The following TLL2 variants were observed in gnomAD, a reference collection of about 807,000 sequenced individuals.
TLL2 encodes the protein tolloid-like protein 2.
A neutral mutation model predicts 123.0 loss-of-function variants in TLL2; 106 were observed. That is an observed-to-expected ratio of 0.86 (90% CI 0.74 to 1.01). The LOEUF (loss-of-function observed/expected upper bound fraction) is 1.01, where lower values mean the gene tolerates loss of function less well. TLL2 is among the 50% of genes least tolerant of loss of function. The pLI is 0.00. For synonymous variants in TLL2, 494 were observed against 516.8 expected, an observed-to-expected ratio of 0.96 and a Z score of 0.60; for missense variants, 1,332 against 1,336.7, an observed-to-expected ratio of 1.00 and a Z score of 0.06.
At chr10:96,463,817 A>G (rs909471449) in intron 2 of TLL2, among the ~76,000 whole-genome samples, 1 of 152,266 alleles carries the variant, frequency 6.6e-6, no homozygotes, top group Non-Finnish European at 1.5e-5. Flanking sequence ...CAGTTTGACC[A>G]AATGAGTAAA....
chr10:96,419,053 C>G lies in TLL2; in HGVS notation c.923+1903G>C, dbSNP rs1276558084. 2.0e-5 allele frequency among the ~76,000 whole-genome samples: 3 copies of G among 151,968 alleles called. No homozygotes were observed. In the East Asian group the frequency reaches 5.8e-4, roughly 29 times the overall value. ...TTTGGCTATTCCCTGCACCATTTCCCAAACAGGTGAATCAGCCCACCCCAA... is the reference window on the plus strand; with the variant it reads ...TTTGGCTATTCCCTGCACCATTTCCGAAACAGGTGAATCAGCCCACCCCAA... On this transcript the variant is annotated intron_variant, in intron 7 of 20. Transcript: ENST00000357947.
intron 8 of TLL2, chr10:96,410,679 A>C (rs1751135563): frequency 3.1e-6 from 2 of 653,102 alleles, no homozygotes; most frequent in Non-Finnish European, 2.8e-6. Flanking sequence ...AACGCCCAGG[A>C]ATTTCTTCTG....
At chr10:96,369,359 G>A (rs988714386) in intron 20 of TLL2, among the ~76,000 whole-genome samples, 6 of 152,216 alleles carry the variant, frequency 3.9e-5, no homozygotes, top group Admixed American at 3.3e-4. Flanking sequence ...TATAGTAAGT[G>A]ACTTGTAATT....
chr10:96,471,917 T>G (rs917240556), intron 2 of TLL2, among the ~76,000 whole-genome samples: 2 of 151,958 alleles, frequency 1.3e-5, no homozygotes, highest in Admixed American at 6.6e-5. Context: ...TGCGTGCGTG[T>G]GTGTGTGTAC....
intron 4 of TLL2, 42 bp from the exon 5 acceptor site, chr10:96,428,790 A>G: frequency 7.6e-7 from 1 of 1,322,744 alleles, no homozygotes; most frequent in Non-Finnish European, 1.1e-6. Flanking sequence ...TGATGGGTCC[A>G]TATTTTCTTT....
intron 1 of TLL2, among the ~76,000 whole-genome samples, 157 bp downstream of exon 1, chr10:96,513,354 A>G (rs1256586507): frequency 6.6e-6 from 1 of 152,158 alleles, no homozygotes; most frequent in Non-Finnish European, 1.5e-5. Context: ...AGTGGTTTTT[A>G]AGCAATTCCT....
chr10:96,386,326 G>C, intron 14 of TLL2, 111 bp from the exon 15 acceptor site: 1 of 1,188,804 alleles, frequency 8.4e-7, no homozygotes, highest in Non-Finnish European at 1.1e-6. Context: ...TAAAATGTTA[G>C]ACAATTTGAA....
At position 96,366,577 on chromosome 10, in the gene TLL2, A is replaced by T. The variant is rs1846030200; in HGVS notation, c.*1511T>A. 6.6e-6 allele frequency: 1 copy of T among 152,618 alleles called. No homozygotes were observed. Among genetic ancestry groups the T allele is most frequent in the Admixed American group, 6.5e-5 (1 of 15,278 alleles). The allele number at this position is 152,618 out of a possible 1,614,324, so 9.5% of individuals were successfully genotyped here. A position where few individuals can be genotyped will look rare whatever the true frequency, so the allele number is the denominator to read the frequency against. On this transcript the variant is annotated 3_prime_UTR_variant, in exon 21 of 21. Coordinates refer to ENST00000357947, the MANE Select transcript of TLL2 (RefSeq NM_012465.4). ...TGCTCCCAGCAATCACTTTAATGAG[A>T]CACAGTCCTCTGGTGCCACATTCTG...
At chr10:96,373,544 G>C in intron 19 of TLL2, 52 bp downstream of exon 19, 1 of 1,552,758 alleles carries the variant, frequency 6.4e-7, no homozygotes, top group East Asian at 2.3e-5. Context: ...CCATTTCTCT[G>C]TCTCCTGTCC....
intron 8 of TLL2, among the ~76,000 whole-genome samples, chr10:96,412,316 T>C (rs1157867392): frequency 2.0e-5 from 3 of 152,190 alleles, no homozygotes; most frequent in African/African-American, 7.2e-5. Flanking sequence ...CTTCATCCCA[T>C]GATCAAACTC....
chr10:96,378,917 G>C, intron 17 of TLL2, 50 bp downstream of exon 17: 1 of 1,608,310 alleles, frequency 6.2e-7, no homozygotes, highest in Non-Finnish European at 8.5e-7. Context: ...GGGGCATGGG[G>C]TGCGGCGAAG....
chr10:96,415,025 C>G (rs558315493), intron 7 of TLL2, among the ~76,000 whole-genome samples: 106 of 152,322 alleles, frequency 7.0e-4, no homozygotes, highest in African/African-American at 2.4e-3. Context: ...TACTGCTCCC[C>G]TTGGCCACAA....
At chr10:96,387,958 T>C (rs1007445428) in intron 13 of TLL2, among the ~76,000 whole-genome samples, 2 of 152,212 alleles carry the variant, frequency 1.3e-5, no homozygotes, top group African/African-American at 4.8e-5. Context: ...GGATGTGGCC[T>C]ACCAGAGCGA....
Position 96,370,050 on chromosome 10 carries a change from G to A in TLL2, c.2913+15C>T. 6.4e-7 allele frequency: 1 copy of A among 1,557,190 alleles called. No individual in the cohort carries two copies. The highest frequency in any genetic ancestry group is 1.2e-5 in the South Asian group (1 of 82,576). ...CATCACACTCTGCCCCGGCCCCAGCGTCTCCGGGACTTACCCCAGAGCCAC... is the reference window on the plus strand; with the variant it reads ...CATCACACTCTGCCCCGGCCCCAGCATCTCCGGGACTTACCCCAGAGCCAC... On this transcript the variant is annotated intron_variant, in intron 20 of 20. Coordinates refer to ENST00000357947, the MANE Select transcript of TLL2 (RefSeq NM_012465.4).
intron 13 of TLL2, among the ~76,000 whole-genome samples, chr10:96,391,461 T>C (rs1846287341): frequency 6.6e-6 from 1 of 152,150 alleles, no homozygotes; most frequent in East Asian, 1.9e-4. Flanking sequence ...CAGAATCAAA[T>C]CACAAACACT....
Position 96,513,631 on chromosome 10 carries a change from G to A in TLL2, c.55C>T (p.Leu19=). 1 of 1,597,948 alleles carries A rather than the reference G, an allele frequency of 6.3e-7. No homozygotes were observed. Among genetic ancestry groups the A allele is most frequent in the Non-Finnish European group, 8.5e-7 (1 of 1,177,434 alleles). The part of the protein sequence containing the change: ...ALVSLLLLLP[L]PRGAGGLGER... Reference sequence around the variant, plus strand: ...CCGAGTCCCCCGGCGCCGCGAGGCAGCGGCAGCAGCAGCAGCAGTGACACC... The same window carrying A: ...CCGAGTCCCCCGGCGCCGCGAGGCAACGGCAGCAGCAGCAGCAGTGACACC... The change falls in exon 1 of 21, where the codon CTG becomes TTG. Residue 19 remains leucine (L), a synonymous_variant. Transcript: ENST00000357947.
chr10:96,443,543 C>A (rs1355006401), intron 3 of TLL2, among the ~76,000 whole-genome samples: 35 of 152,186 alleles, frequency 2.3e-4, no homozygotes, highest in Admixed American at 2.3e-3. Context: ...ATGGCATCAG[C>A]CAAAGAACCA....
chr10:96,387,101 C>T (rs755685622), intron 13 of TLL2, 23 bp from the exon 14 acceptor site: 2 of 1,607,736 alleles, frequency 1.2e-6, no homozygotes, highest in Admixed American at 3.3e-5. Flanking sequence ...GAAGGTGACC[C>T]CGGTTACATT....
intron 2 of TLL2, among the ~76,000 whole-genome samples, chr10:96,474,055 G>A (rs562112086): frequency 2.6e-4 from 39 of 152,258 alleles, no homozygotes; most frequent in South Asian, 1.0e-3. Context: ...CAGCTAATCC[G>A]ATTAGCAGCT....
Sources: gnomAD v4.1 joint callset for allele counts (sites outside exome capture counted in the v4.1 genomes callset) on GRCh38, gnomAD v4.1.1 for gene constraint, MANE v1.5 for transcripts, NCBI Gene and HGNC (gene_info 2026-07-23, HGNC 2026-07-21) for gene names.